Variants in PCLO observed in about 807,000 individuals in gnomAD.
PCLO encodes protein piccolo.
Under a neutral mutation model 427.5 loss-of-function variants are expected in PCLO, and 82 were observed. That is an observed-to-expected ratio of 0.19 (90% confidence interval 0.16 to 0.23). The LOEUF (loss-of-function observed/expected upper bound fraction) is 0.23, where lower values mean the gene tolerates loss of function less well. PCLO is among the 10% of genes least tolerant of loss of function. The pLI is 1.00. For missense variants in PCLO, 6,239 were observed against 6,115.9 expected (o/e 1.02, Z -0.67); for synonymous variants, 2,357 against 2,155.4 (o/e 1.09, Z -2.59).
At chr7:83,138,479 G>A (rs1192650442) in intron 2 of PCLO, among the ~76,000 whole-genome samples, 2 of 152,040 alleles carry the variant, frequency 1.3e-5, no homozygotes, top group Non-Finnish European at 2.9e-5. Context: ...TGGCCAACAT[G>A]GTGAAACATT....
At chr7:82,795,904 A>T (rs1200999588) in intron 22 of PCLO, among the ~76,000 whole-genome samples, 10 of 152,158 alleles carry the variant, frequency 6.6e-5, no homozygotes, top group Admixed American at 5.9e-4. Flanking sequence ...ATCTTGATTC[A>T]AAAGCCTCTC....
chr7:82,924,717 T>G (rs1357246219), intron 6 of PCLO, among the ~76,000 whole-genome samples: 1 of 151,934 alleles, frequency 6.6e-6, no homozygotes, highest in Non-Finnish European at 1.5e-5. Context: ...GTTTGAGAAA[T>G]TAAATACCAG....
At chr7:82,929,922 C>A (rs764720432) in intron 6 of PCLO, among the ~76,000 whole-genome samples, 87 of 152,264 alleles carry the variant, frequency 5.7e-4, no homozygotes, top group Non-Finnish European at 1.1e-3. Context: ...GTACCATGTT[C>A]TAAGCTAGGC....
At chr7:83,061,253 T>C (rs932974024) in intron 3 of PCLO, among the ~76,000 whole-genome samples, 5 of 152,124 alleles carry the variant, frequency 3.3e-5, no homozygotes, top group Admixed American at 1.3e-4. Context: ...AGAATCCAGT[T>C]TTTCATTAGA....
At chr7:83,085,842 T>C (rs1790217961) in intron 3 of PCLO, among the ~76,000 whole-genome samples, 2 of 152,188 alleles carry the variant, frequency 1.3e-5, no homozygotes, top group Non-Finnish European at 2.9e-5. Context: ...CAGATAAAAT[T>C]TTCATTTGTG....
At chr7:83,012,498 T>C (rs1788104723) in intron 3 of PCLO, among the ~76,000 whole-genome samples, 1 of 151,478 alleles carries the variant, frequency 6.6e-6, no homozygotes, top group Admixed American at 6.6e-5. Flanking sequence ...GCACCTGTAA[T>C]CCCAGCTACT....
chr7:82,800,752 C>G (rs975309763), intron 22 of PCLO, among the ~76,000 whole-genome samples: 1 of 151,922 alleles, frequency 6.6e-6, no homozygotes, highest in African/African-American at 2.4e-5. Flanking sequence ...CGTGCCACCA[C>G]GACTGTCTAA....
chr7:82,872,888 G>A (rs1215556202), intron 10 of PCLO, among the ~76,000 whole-genome samples: 2 of 152,052 alleles, frequency 1.3e-5, no homozygotes. Context: ...AGACATGTGT[G>A]GCAAGATATT....
chr7:82,940,362 G>C (rs1313006541), intron 6 of PCLO, among the ~76,000 whole-genome samples: 1 of 152,106 alleles, frequency 6.6e-6, no homozygotes, highest in East Asian at 1.9e-4. Flanking sequence ...TTAATGTTGT[G>C]ATGTTGACTC....
At chr7:82,867,228 C>G (rs560364083) in intron 10 of PCLO, among the ~76,000 whole-genome samples, 1 of 152,280 alleles carries the variant, frequency 6.6e-6, no homozygotes, top group African/African-American at 2.4e-5. Context: ...GGCAACACTC[C>G]TGTCTCTACA....
At chr7:83,106,524 T>C (rs1205927564) in intron 3 of PCLO, among the ~76,000 whole-genome samples, 2 of 152,184 alleles carry the variant, frequency 1.3e-5, no homozygotes, top group South Asian at 2.1e-4. Context: ...TAATAATAAC[T>C]ACTCTCTTTT....
intron 3 of PCLO, among the ~76,000 whole-genome samples, chr7:83,080,574 C>T (rs1484325306): frequency 2.0e-5 from 3 of 151,996 alleles, no homozygotes; most frequent in Non-Finnish European, 4.4e-5. Flanking sequence ...AGTCCATTTC[C>T]GTATGTCATT....
intron 3 of PCLO, among the ~76,000 whole-genome samples, chr7:82,991,825 C>G (rs1327701058): frequency 6.6e-6 from 1 of 152,060 alleles, no homozygotes; most frequent in Non-Finnish European, 1.5e-5. Context: ...TTCTCAGTAC[C>G]AACACCTGCT....
intron 3 of PCLO, among the ~76,000 whole-genome samples, chr7:83,030,692 T>C (rs542746604): frequency 1.3e-5 from 2 of 152,264 alleles, no homozygotes; most frequent in South Asian, 2.1e-4. Flanking sequence ...AAATCTATGA[T>C]GAATAAAATA....
rs776920096 is a variant in PCLO at position 83,134,394 on chromosome 7, C to T, written c.3156G>A (p.Ser1052=). 2.4e-5 allele frequency: 38 copies of T among 1,613,518 alleles called. No individual in the cohort carries two copies. The highest frequency in any genetic ancestry group is 2.9e-5 in the Non-Finnish European group (34 of 1,179,834). The change falls in exon 3 of 25, where the codon TCG becomes TCA. Residue 1052 remains serine (S), a synonymous_variant. Coordinates refer to ENST00000333891, the MANE Select transcript of PCLO (RefSeq NM_033026.6). ...GAGGACAGGTTGATTCTGGTTTGGGCGATTTCTCCAGTTTTGTGGGAAGGA... is the reference window on the plus strand; with the variant it reads ...GAGGACAGGTTGATTCTGGTTTGGGTGATTTCTCCAGTTTTGTGGGAAGGA... ...KAVLPTKLEK[S]PKPESTCPLC...
intron 6 of PCLO, among the ~76,000 whole-genome samples, chr7:82,941,322 A>G (rs1384726031): frequency 6.6e-6 from 1 of 152,160 alleles, no homozygotes; most frequent in African/African-American, 2.4e-5. Context: ...AAATAACTTA[A>G]AACATTTAGT....
chr7:82,959,989 T>C (rs1275163721), intron 4 of PCLO, among the ~76,000 whole-genome samples: 2 of 152,154 alleles, frequency 1.3e-5, no homozygotes, highest in Non-Finnish European at 2.9e-5. Context: ...CCTTCACTAG[T>C]AGTGGAGAAT....
At chr7:82,844,525 G>C (rs1792450152) in intron 13 of PCLO, among the ~76,000 whole-genome samples, 1 of 151,970 alleles carries the variant, frequency 6.6e-6, no homozygotes, top group Non-Finnish European at 1.5e-5. Context: ...AGCATATACA[G>C]CCTGTCCTTC....
At chr7:82,837,288 G>A (rs2115752849) in intron 15 of PCLO, among the ~76,000 whole-genome samples, 2 of 152,134 alleles carry the variant, frequency 1.3e-5, no homozygotes, top group South Asian at 4.1e-4. Context: ...GGTACATGGT[G>A]TGTCAAATTA....
Sources: gnomAD v4.1 joint callset for allele counts (sites outside exome capture counted in the v4.1 genomes callset) on GRCh38, gnomAD v4.1.1 for gene constraint, MANE v1.5 for transcripts, NCBI Gene and HGNC (gene_info 2026-07-23, HGNC 2026-07-21) for gene names.